The following SERGEF variants were observed in gnomAD, a reference collection of about 807,000 sequenced individuals.
SERGEF encodes the protein secretion-regulating guanine nucleotide exchange factor.
In SERGEF, 51 loss-of-function variants were observed where a neutral mutation model predicts 50.0. That is an observed-to-expected ratio of 1.02 (90% CI 0.81 to 1.29). The LOEUF (loss-of-function observed/expected upper bound fraction) is 1.29. SERGEF is among the 50% of genes most tolerant of loss of function. SERGEF has a pLI of 0.00. For missense variants in SERGEF, 521 were observed against 557.0 expected, an observed-to-expected ratio of 0.94 and a Z score of 0.65; for synonymous variants, 205 against 212.4, an observed-to-expected ratio of 0.97 and a Z score of 0.30.
chr11:17,957,149 C>T (rs1852892187), intron 9 of SERGEF, among the ~76,000 whole-genome samples: 1 of 152,144 alleles, frequency 6.6e-6, no homozygotes, highest in Non-Finnish European at 1.5e-5. Context: ...CCAGGGGGCT[C>T]AGGGCTCAAG....
intron 7 of SERGEF, among the ~76,000 whole-genome samples, chr11:17,990,249 A>G (rs1565224559): frequency 6.6e-6 from 1 of 152,200 alleles, no homozygotes; most frequent in Non-Finnish European, 1.5e-5. Flanking sequence ...TCACTGTTTG[A>G]CACTGGGCAC....
At chr11:17,976,799 T>C (rs1853384749) in intron 8 of SERGEF, among the ~76,000 whole-genome samples, 2 of 152,254 alleles carry the variant, frequency 1.3e-5, no homozygotes, top group South Asian at 2.1e-4. Context: ...CTGAGCTCTC[T>C]GCCAGGGACC....
intron 8 of SERGEF, among the ~76,000 whole-genome samples, chr11:17,976,055 CAGGT>C (rs1853367084): frequency 6.6e-6 from 1 of 152,164 alleles, no homozygotes; most frequent in South Asian, 2.1e-4. Flanking sequence ...CCTCATTTTA[CAGGT>C]GAGGAAGTTC....
intron 9 of SERGEF, among the ~76,000 whole-genome samples, chr11:17,896,392 T>C (rs765071777): frequency 7.9e-5 from 12 of 152,068 alleles, no homozygotes; most frequent in Non-Finnish European, 1.2e-4. Flanking sequence ...ACTTTTTCAA[T>C]ATTACAGTTC....
intron 9 of SERGEF, among the ~76,000 whole-genome samples, chr11:17,905,066 A>G (rs1250202434): frequency 6.6e-6 from 1 of 152,260 alleles, no homozygotes; most frequent in Non-Finnish European, 1.5e-5. Flanking sequence ...AAACTTTAGT[A>G]CATCTATAAG....
intron 9 of SERGEF, among the ~76,000 whole-genome samples, chr11:17,896,725 C>CGGAAGGGTAAT (rs1851641312): frequency 1.2e-5 from 1 of 80,174 alleles, no homozygotes; most frequent in Non-Finnish European, 2.3e-5. Context: ...GGAAGGGTAA[C>CGGAAGGGTAAT]GGAAGGGTAA....
At chr11:17,980,091 G>C (rs1167776399) in intron 8 of SERGEF, among the ~76,000 whole-genome samples, 1 of 152,196 alleles carries the variant, frequency 6.6e-6, no homozygotes. Context: ...GGAGAGAAAA[G>C]AAAGAGGCCA....
intron 9 of SERGEF, among the ~76,000 whole-genome samples, chr11:17,930,057 A>G (rs1852323737): frequency 6.6e-6 from 1 of 152,210 alleles, no homozygotes; most frequent in Non-Finnish European, 1.5e-5. Flanking sequence ...GAATAAGTGC[A>G]GGATTTGGAG....
At chr11:17,881,248 G>A (rs995893462) in intron 9 of SERGEF, among the ~76,000 whole-genome samples, 2 of 152,184 alleles carry the variant, frequency 1.3e-5, no homozygotes, top group African/African-American at 4.8e-5. Context: ...GACTGCTGGG[G>A]TTCACCCTGG....
chr11:17,876,746 C>T (rs1851241168), intron 10 of SERGEF, among the ~76,000 whole-genome samples: 1 of 152,248 alleles, frequency 6.6e-6, no homozygotes, highest in African/African-American at 2.4e-5. Flanking sequence ...TCCCTGCCAT[C>T]TTCTTGTTTA....
chr11:17,810,865 A>AT (rs1192901564), intron 10 of SERGEF, among the ~76,000 whole-genome samples: 1 of 151,894 alleles, frequency 6.6e-6, no homozygotes, highest in Non-Finnish European at 1.5e-5. Flanking sequence ...CTGTTCTGGG[A>AT]TGCAAGCCAA....
chr11:17,821,920 T>G (rs1477923936), intron 10 of SERGEF, among the ~76,000 whole-genome samples: 1 of 152,148 alleles, frequency 6.6e-6, no homozygotes, highest in Non-Finnish European at 1.5e-5. Context: ...TTCCACATAT[T>G]TCAGCACTGA....
chr11:17,928,254 G>C (rs996645205), intron 9 of SERGEF, among the ~76,000 whole-genome samples: 1 of 152,110 alleles, frequency 6.6e-6, no homozygotes, highest in Non-Finnish European at 1.5e-5. Context: ...CTCACCTACA[G>C]AACTTCAGTC....
chr11:17,788,444 G>A, intron 10 of SERGEF, 31 bp from the exon 11 acceptor site: 1 of 1,558,962 alleles, frequency 6.4e-7, no homozygotes, highest in Non-Finnish European at 8.7e-7. Flanking sequence ...TGCTGTAGAA[G>A]AGGTTTTGGA....
At chr11:17,968,985 A>G (rs1853189313) in intron 8 of SERGEF, among the ~76,000 whole-genome samples, 1 of 152,210 alleles carries the variant, frequency 6.6e-6, no homozygotes, top group Non-Finnish European at 1.5e-5. Flanking sequence ...CAGCCAACTC[A>G]AGCAGAGGCA....
chr11:17,845,202 C>T (rs576824527), intron 10 of SERGEF, among the ~76,000 whole-genome samples: 1 of 152,312 alleles, frequency 6.6e-6, no homozygotes, highest in African/African-American at 2.4e-5. Context: ...ACTCTACATG[C>T]TCTGCTTCAA....
intron 3 of SERGEF, 88 bp downstream of exon 3, chr11:18,006,503 G>T (rs1854077995): frequency 7.7e-7 from 1 of 1,290,688 alleles, no homozygotes; most frequent in Admixed American, 2.3e-5. Flanking sequence ...ACACAAAGAG[G>T]CTTTCATTTA....
chr11:17,926,764 T>C (rs1468291), intron 9 of SERGEF: 172,891 of 455,974 alleles, frequency 0.38, 34,900 homozygotes, highest in East Asian at 0.5. Context: ...AAGACTATCT[T>C]GATGCAGAAT....
chr11:17,872,195 A>G (rs903525364), intron 10 of SERGEF, among the ~76,000 whole-genome samples: 1 of 152,220 alleles, frequency 6.6e-6, no homozygotes, highest in Non-Finnish European at 1.5e-5. Context: ...CAGAAGTCAG[A>G]AGAATGGTTA....
Sources: allele counts gnomAD v4.1 joint callset (sites outside exome capture counted in the v4.1 genomes callset), GRCh38; gene constraint gnomAD v4.1.1; transcripts MANE v1.5; gene names NCBI Gene and HGNC (gene_info 2026-07-23, HGNC 2026-07-21).